The following CCT6B variants were observed in gnomAD, a reference collection of about 807,000 sequenced individuals.
CCT6B encodes the protein probable T-complex protein 1 subunit zeta-2.
Under a neutral mutation model 61.5 loss-of-function variants are expected in CCT6B, and 49 were observed. The ratio of observed to expected loss-of-function variants is 0.80; its 90% CI spans 0.63 to 1.01. The LOEUF (loss-of-function observed/expected upper bound fraction) is 1.01. Among genes scored for constraint, CCT6B ranks in the 50% least tolerant of loss-of-function variants. CCT6B has a pLI of 0.00. For missense variants in CCT6B, 666 were observed against 634.7 expected (o/e 1.05, Z -0.53); for synonymous variants, 228 against 214.5 (o/e 1.06, Z -0.55).
chr17:34,946,798 A>G (rs758148538), intron 5 of CCT6B, among the ~76,000 whole-genome samples: 22 of 152,254 alleles, frequency 1.4e-4, no homozygotes, highest in Non-Finnish European at 2.9e-4. Context: ...AAGGTCAGAA[A>G]CAAAGAGTAC....
At chr17:34,937,095 C>T (rs987331862) in intron 10 of CCT6B, among the ~76,000 whole-genome samples, 1 of 152,024 alleles carries the variant, frequency 6.6e-6, no homozygotes, top group Non-Finnish European at 1.5e-5. Flanking sequence ...CAGGTCAAGT[C>T]TGCAGTGAGC....
At chr17:34,949,525 GA>G in intron 5 of CCT6B, 1 of 142,212 alleles carries the variant, frequency 7.0e-6, no homozygotes, top group Non-Finnish European at 1.5e-5. Flanking sequence ...GGGAGGGAGG[GA>G]AAGGAAGGAA....
At chr17:34,929,806 G>A (rs955763318) in intron 12 of CCT6B, among the ~76,000 whole-genome samples, 8 of 152,046 alleles carry the variant, frequency 5.3e-5, no homozygotes, top group East Asian at 1.9e-4. Flanking sequence ...GAGCCACTGC[G>A]CCTGGCCTGA....
chr17:34,952,747 A>C (rs1346685004), intron 4 of CCT6B, among the ~76,000 whole-genome samples: 3 of 152,248 alleles, frequency 2.0e-5, no homozygotes, highest in Non-Finnish European at 4.4e-5. Context: ...AACTGCAGAA[A>C]TTAAGGGCTA....
intron 5 of CCT6B, 21 bp from the exon 6 acceptor site, chr17:34,942,927 TC>T: frequency 7.3e-7 from 1 of 1,374,886 alleles, no homozygotes; most frequent in Non-Finnish European, 1.0e-6. Context: ...TATTAATGTT[TC>T]TTACTTTGAA....
chr17:34,957,189 G>A (rs2090357910), intron 3 of CCT6B, among the ~76,000 whole-genome samples: 1 of 144,380 alleles, frequency 6.9e-6, no homozygotes, highest in Non-Finnish European at 1.5e-5. Context: ...TTGTTGCCCA[G>A]GCTAGAGTAT....
chr17:34,961,069 C>A (rs1295436449), intron 1 of CCT6B, among the ~76,000 whole-genome samples, 188 bp downstream of exon 1: 1 of 152,178 alleles, frequency 6.6e-6, no homozygotes, highest in African/African-American at 2.4e-5. Context: ...ACTCCCGGGG[C>A]CCTCTACTAG....
chr17:34,945,377 G>A (rs1420923124), intron 5 of CCT6B, among the ~76,000 whole-genome samples: 1 of 152,026 alleles, frequency 6.6e-6, no homozygotes. Flanking sequence ...TTCCCAAACT[G>A]AACTCTTGAT....
At chr17:34,931,077 T>C (rs997027655) in intron 11 of CCT6B, 26 bp from the exon 12 acceptor site, 12 of 782,518 alleles carry the variant, frequency 1.5e-5, no homozygotes, top group Non-Finnish European at 2.0e-5. Flanking sequence ...TAATAATATA[T>C]ATTATATATA....
chr17:34,943,229 G>C (rs566293052), intron 5 of CCT6B: 6 of 180,564 alleles, frequency 3.3e-5, no homozygotes, highest in Admixed American at 1.8e-4. Flanking sequence ...AATTAGGAAA[G>C]AGAATCTACT....
chr17:34,954,108 TA>T (rs1474965865), intron 4 of CCT6B, among the ~76,000 whole-genome samples: 1 of 152,152 alleles, frequency 6.6e-6, no homozygotes, highest in Non-Finnish European at 1.5e-5. Flanking sequence ...CCTCACATAA[TA>T]AAATATGGAC....
At chr17:34,959,690 A>C in intron 1 of CCT6B, 40 bp from the exon 2 acceptor site, 5 of 1,394,370 alleles carry the variant, frequency 3.6e-6, no homozygotes, top group Non-Finnish European at 5.1e-6. Flanking sequence ...TGTGGTAGGA[A>C]GACATTCCCA....
rs926635788 is a variant in CCT6B, at chr17:34,952,116, A to T, written c.511-63T>A. The T allele has an allele frequency of 5.9e-6, 6 of 1,013,442 alleles. No homozygotes were observed. The East Asian group carries it at 1.4e-4, about 24-fold the overall frequency. 62.8% of individuals were successfully genotyped at this position (1,013,442 alleles called of 1,614,324 possible). A position where few individuals can be genotyped will look rare whatever the true frequency, so the allele number is the denominator to read the frequency against. ...GACTACTAAAATAAACCAAGGGCCC[A>T]AACAATCTATCACCAGACTAAGGAG... On this transcript the variant is annotated intron_variant, in intron 4 of 13. Coordinates refer to ENST00000314144, the MANE Select transcript of CCT6B (RefSeq NM_006584.4).
At chr17:34,939,411 C>CCTTTG in intron 9 of CCT6B, 81 bp from the exon 10 acceptor site, 13 of 1,214,720 alleles carry the variant, frequency 1.1e-5, no homozygotes, top group Non-Finnish European at 1.3e-5. Context: ...ATACAATCTT[C>CCTTTG]ATTTGAATTT....
At chr17:34,945,386 AT>A (rs2090212272) in intron 5 of CCT6B, among the ~76,000 whole-genome samples, 1 of 152,094 alleles carries the variant, frequency 6.6e-6, no homozygotes, top group African/African-American at 2.4e-5. Context: ...TGAACTCTTG[AT>A]TTATCTCCCC....
intron 10 of CCT6B, among the ~76,000 whole-genome samples, chr17:34,937,512 C>A (rs2090108164): frequency 1.3e-5 from 2 of 152,068 alleles, no homozygotes; most frequent in Admixed American, 1.3e-4. Context: ...CAATCTGATA[C>A]CTTTATATGA....
chr17:34,944,763 A>G (rs2090204907), intron 5 of CCT6B, among the ~76,000 whole-genome samples: 1 of 152,182 alleles, frequency 6.6e-6, no homozygotes, highest in Non-Finnish European at 1.5e-5. Context: ...CATCTCTACT[A>G]AAAATACAAA....
chr17:34,932,417 C>T lies in CCT6B; in HGVS notation c.1297G>A (p.Ala433Thr), dbSNP rs1256084395. The change falls in exon 11 of 14, where the codon GCT becomes ACT. Residue 433 changes from alanine to threonine, a missense_variant. Coordinates refer to ENST00000314144, the MANE Select transcript of CCT6B (RefSeq NM_006584.4). The part of the protein sequence containing the change: ...VTYKNSIKGR[A>T]RLGVQAFADA... ...GCAAAAGCTTGGACTCCAAGACGAG[C>T]TCTTCCTTTTATACTGTTCTTATAT... 1 of 1,612,020 alleles carries T rather than the reference C, an allele frequency of 6.2e-7. No homozygotes were observed. Among genetic ancestry groups the T allele is most frequent in the Non-Finnish European group, 8.5e-7 (1 of 1,179,194 alleles).
At chr17:34,940,918 A>T (rs910700811) in intron 7 of CCT6B, among the ~76,000 whole-genome samples, 1 of 152,168 alleles carries the variant, frequency 6.6e-6, no homozygotes, top group Non-Finnish European at 1.5e-5. Flanking sequence ...GCATTACTTT[A>T]CATTTTTGCA....
Sources: allele counts gnomAD v4.1 joint callset (sites outside exome capture counted in the v4.1 genomes callset), GRCh38; gene constraint gnomAD v4.1.1; transcripts MANE v1.5; gene names NCBI Gene and HGNC (gene_info 2026-07-23, HGNC 2026-07-21).